IL1RAPL1: variants seen among roughly 807,000 people sequenced by gnomAD.
IL1RAPL1 encodes interleukin-1 receptor accessory protein-like 1.
A neutral mutation model predicts 48.4 loss-of-function variants in IL1RAPL1; 3 were observed. The ratio of observed to expected loss-of-function variants is 0.06; its 90% CI spans 0.03 to 0.16. IL1RAPL1 has a LOEUF of 0.16. IL1RAPL1 is among the 10% of genes least tolerant of loss of function. The pLI is 1.00. For synonymous variants in IL1RAPL1, 185 were observed against 187.7 expected (o/e 0.99, Z 0.12); for missense variants, 349 against 530.6 (o/e 0.66, Z 3.36).
intron 2 of IL1RAPL1, among the ~76,000 whole-genome samples, chrX:28,856,069 G>A (rs756354089): frequency 9.0e-6 from 1 of 111,638 alleles, no homozygotes; most frequent in South Asian, 3.7e-4. Flanking sequence ...TCATAATCAT[G>A]GTGAGATTAT....
rs137991291 is a variant in IL1RAPL1 at position 29,205,198 on chromosome X, T to C, written c.83-77740T>C. 4.4e-3 allele frequency among the ~76,000 whole-genome samples: 492 copies of C among 111,849 alleles called. 2 individuals are homozygous for C. Among genetic ancestry groups the C allele is most frequent in the African/African-American group, 0.015 (464 of 30,825 alleles). On this transcript the variant is annotated intron_variant, in intron 2 of 10. Coordinates refer to ENST00000378993, the MANE Select transcript of IL1RAPL1 (RefSeq NM_014271.4). ...AGAGTTCAGAGGAGACTGACAAAAG[T>C]TGGTCAAGGAAAGAGTCTTTTTCAC... is the stretch of plus-strand genomic sequence containing the variant.
intron 2 of IL1RAPL1, among the ~76,000 whole-genome samples, chrX:29,232,045 T>C (rs1931211244): frequency 8.9e-6 from 1 of 111,772 alleles, no homozygotes; most frequent in African/African-American, 3.3e-5. Context: ...GCCTGTTGCA[T>C]CTTGTCTTAA....
chrX:29,866,909 C>G (rs1416741673), intron 6 of IL1RAPL1, among the ~76,000 whole-genome samples: 1 of 110,297 alleles, frequency 9.1e-6, no homozygotes, highest in Non-Finnish European at 1.9e-5. Context: ...CACCCATCAC[C>G]ATCAATTACT....
chrX:29,508,157 T>G (rs1045603451), intron 5 of IL1RAPL1, among the ~76,000 whole-genome samples: 5 of 111,790 alleles, frequency 4.5e-5, no homozygotes, highest in Non-Finnish European at 1.9e-5. Flanking sequence ...ATAGAAAGTA[T>G]GTCAAGTGTA....
At chrX:29,601,686 G>T (rs749859516) in intron 5 of IL1RAPL1, among the ~76,000 whole-genome samples, 1 of 112,300 alleles carries the variant, frequency 8.9e-6, no homozygotes, top group East Asian at 2.8e-4. Context: ...AAAAAAATGA[G>T]ACATGCTTTG....
chrX:29,845,455 A>G (rs112119879), intron 6 of IL1RAPL1, among the ~76,000 whole-genome samples: 5,432 of 111,320 alleles, frequency 0.049, 325 homozygotes, highest in African/African-American at 0.17. Flanking sequence ...TATATAAGCT[A>G]GAATAATTAT....
intron 1 of IL1RAPL1, among the ~76,000 whole-genome samples, chrX:28,624,783 C>T (rs975347684): frequency 4.5e-5 from 5 of 111,610 alleles, no homozygotes; most frequent in Non-Finnish European, 1.9e-5. Context: ...GTTGATTTCC[C>T]CTGTAATTCC....
rs750359071 is a variant in IL1RAPL1 at position 29,876,433 on chromosome X, A to C, written c.779-41031A>C. On this transcript the variant is annotated intron_variant, in intron 6 of 10. Transcript: ENST00000378993. ...TTACTTTCGCTTTAAGGAAGGAGAAAATAGCAAAGAGTGAAGAGGCCTGGA... is the reference window on the plus strand; with the variant it reads ...TTACTTTCGCTTTAAGGAAGGAGAACATAGCAAAGAGTGAAGAGGCCTGGA... Among the ~76,000 whole-genome samples the C allele has an allele frequency of 1.1e-4, 12 of 111,826 alleles. No homozygotes were observed. The South Asian group carries it at 4.6e-3, about 43-fold the overall frequency.
intron 6 of IL1RAPL1, among the ~76,000 whole-genome samples, chrX:29,756,511 C>G (rs185505690): frequency 9.0e-6 from 1 of 111,005 alleles, no homozygotes; most frequent in Non-Finnish European, 1.9e-5. Flanking sequence ...CTCCCAGGTT[C>G]AAGCGATTCT....
intron 2 of IL1RAPL1, among the ~76,000 whole-genome samples, chrX:28,903,665 T>C (rs1423845805): frequency 1.8e-5 from 2 of 110,599 alleles, no homozygotes; most frequent in African/African-American, 3.3e-5. Flanking sequence ...AATAAAGCAA[T>C]TTCTGATTAT....
At chrX:29,552,860 G>T (rs575440368) in intron 5 of IL1RAPL1, among the ~76,000 whole-genome samples, 1 of 59,230 alleles carries the variant, frequency 1.7e-5, no homozygotes, top group East Asian at 6.9e-4. Context: ...TATTGATTAA[G>T]TGTCAATAGA....
At chrX:29,080,970 TTCTTTCTTTCTTTCTTTCTTTCTTTC>T (rs1262427461) in intron 2 of IL1RAPL1, among the ~76,000 whole-genome samples, 4 of 43,260 alleles carry the variant, frequency 9.2e-5, no homozygotes, top group South Asian at 1.4e-3. Flanking sequence ...CTTTCTTTCT[TTCTTTCTTTCTTTCTTTCTTTCTTTC>T]TCTCTCTCTC....
intron 8 of IL1RAPL1, among the ~76,000 whole-genome samples, chrX:29,939,163 T>G (rs55868884): frequency 0.18 from 20,513 of 111,264 alleles, 1,475 homozygotes; most frequent in Middle Eastern, 0.24. Flanking sequence ...ACCCCAAAGT[T>G]TACAATGTGG....
intron 5 of IL1RAPL1, among the ~76,000 whole-genome samples, chrX:29,523,203 T>C (rs188779935): frequency 8.9e-6 from 1 of 111,853 alleles, no homozygotes; most frequent in East Asian, 2.8e-4. Flanking sequence ...TAATATGCTA[T>C]AGTCTCCTGG....
At chrX:29,490,761 A>G (rs1440088238) in intron 5 of IL1RAPL1, among the ~76,000 whole-genome samples, 1 of 109,116 alleles carries the variant, frequency 9.2e-6, no homozygotes, top group Non-Finnish European at 1.9e-5. Context: ...CAAATAGCAA[A>G]TATTTACACA....
At chrX:29,026,742 CTTAA>C (rs1414307313) in intron 2 of IL1RAPL1, among the ~76,000 whole-genome samples, 1 of 111,276 alleles carries the variant, frequency 9.0e-6, no homozygotes, top group Non-Finnish European at 1.9e-5. Flanking sequence ...AAAATGCATC[CTTAA>C]TTTTTAGAAA....
chrX:28,607,649 T>C (rs141716015), intron 1 of IL1RAPL1, among the ~76,000 whole-genome samples: 125 of 111,306 alleles, frequency 1.1e-3, no homozygotes, highest in African/African-American at 3.8e-3. Context: ...TTAGAAAGAA[T>C]CACTTTTTTT....
At chrX:29,841,714 A>G (rs796737924) in intron 6 of IL1RAPL1, among the ~76,000 whole-genome samples, 1 of 111,621 alleles carries the variant, frequency 9.0e-6, no homozygotes, top group South Asian at 3.8e-4. Context: ...ACTCAGAACA[A>G]TCGAGTGAGG....
rs375040529 is a variant in IL1RAPL1 at position 29,083,261 on chromosome X, G to C, written c.83-199677G>C. Among the ~76,000 whole-genome samples, 13 of 111,630 alleles carry C rather than the reference G, an allele frequency of 1.2e-4. No homozygotes were observed. The East Asian group carries it at 3.7e-3, about 31-fold the overall frequency. ...AAATTTAACCTCATGAAAATTCCAG[G>C]AACTAAAACCTTGAAGACCAGAAGA... On this transcript the variant is annotated intron_variant, in intron 2 of 10. Coordinates refer to ENST00000378993, the MANE Select transcript of IL1RAPL1 (RefSeq NM_014271.4).
Sources: allele counts gnomAD v4.1 joint callset (sites outside exome capture counted in the v4.1 genomes callset), GRCh38; gene constraint gnomAD v4.1.1; transcripts MANE v1.5; gene names NCBI Gene and HGNC (gene_info 2026-07-23, HGNC 2026-07-21).